DPY30: variants seen among roughly 807,000 people sequenced by gnomAD.
The protein encoded by DPY30 is protein dpy-30 homolog.
Under a neutral mutation model 16.2 loss-of-function variants are expected in DPY30, and 6 were observed. The observed-to-expected ratio is 0.37, with a 90% CI of 0.20 to 0.73. The LOEUF (loss-of-function observed/expected upper bound fraction) is 0.73, where lower values mean the gene tolerates loss of function less well. Among genes scored for constraint, DPY30 ranks in the 30% least tolerant of loss-of-function variants. The pLI is 0.51. For synonymous variants in DPY30, 39 were observed against 38.8 expected (o/e 1.00, Z -0.02); for missense variants, 73 against 113.1 (o/e 0.65, Z 1.61).
chr2:32,011,760 ATGTT>A (rs936378053), downstream of DPY30: 2 of 152,380 alleles, frequency 1.3e-5, no homozygotes, highest in South Asian at 2.1e-4. Flanking sequence ...ACACTATAAA[ATGTT>A]TGTAACTGCA....
chr2:32,015,871 A>G (rs565266736), intron 5 of DPY30, among the ~76,000 whole-genome samples: 1,966 of 150,350 alleles, frequency 0.013, 25 homozygotes, highest in Non-Finnish European at 0.02. Flanking sequence ...AAAAAAAAAT[A>G]CAAAGCTTTG....
intron 4 of DPY30, among the ~76,000 whole-genome samples, chr2:32,027,427 G>A (rs1455441730): frequency 3.3e-5 from 5 of 151,326 alleles, no homozygotes; most frequent in African/African-American, 9.7e-5. Context: ...CTACTCAGGA[G>A]GCTGAGGCAA....
chr2:32,014,059 A>G (rs893369397), intron 5 of DPY30, among the ~76,000 whole-genome samples: 4 of 152,104 alleles, frequency 2.6e-5, no homozygotes, highest in Admixed American at 6.6e-5. Flanking sequence ...GGGAGGGAGG[A>G]AGGGAAGGGA....
chr2:32,015,156 T>C (rs1675040170), intron 5 of DPY30, among the ~76,000 whole-genome samples: 1 of 152,176 alleles, frequency 6.6e-6, no homozygotes, highest in Admixed American at 6.5e-5. Context: ...AAACTGACCA[T>C]TTTTAGATTC....
At chr2:32,019,239 C>T (rs950924472), downstream of DPY30, among the ~76,000 whole-genome samples, 6 of 152,060 alleles carry the variant, frequency 3.9e-5, no homozygotes, top group Non-Finnish European at 7.4e-5. Flanking sequence ...ACTACAGGCA[C>T]GCCCCACCGC....
At chr2:32,014,511 T>C (rs1349863719) in intron 5 of DPY30, among the ~76,000 whole-genome samples, 1 of 145,992 alleles carries the variant, frequency 6.8e-6, no homozygotes, top group Non-Finnish European at 1.5e-5. Context: ...TGAGACGGAG[T>C]CTCGCTCTGT....
chr2:32,021,755 G>A (rs1675186843), downstream of DPY30, among the ~76,000 whole-genome samples: 3 of 151,244 alleles, frequency 2.0e-5, no homozygotes, highest in South Asian at 2.1e-4. Context: ...TTAGAGGCCC[G>A]TTAACACATA....
At chr2:32,018,167 T>C (rs1252801920) in intron 5 of DPY30, among the ~76,000 whole-genome samples, 3 of 152,224 alleles carry the variant, frequency 2.0e-5, no homozygotes, top group African/African-American at 7.2e-5. Flanking sequence ...TTGAATGTTT[T>C]AGAAAGACTC....
At chr2:32,036,878 A>C (rs931250342) in intron 3 of DPY30, among the ~76,000 whole-genome samples, 33 of 152,038 alleles carry the variant, frequency 2.2e-4, no homozygotes, top group African/African-American at 7.7e-4. Context: ...CAAAAAAAAG[A>C]AAAAAAACTA....
intron 4 of DPY30, among the ~76,000 whole-genome samples, chr2:32,025,796 G>A (rs1337049898): frequency 7.4e-5 from 11 of 148,082 alleles, no homozygotes; most frequent in East Asian, 2.0e-4. Context: ...TACTTGGGCC[G>A]GGGGGAAAAA....
At chr2:32,022,643 G>A (rs1021541971), downstream of DPY30, among the ~76,000 whole-genome samples, 15 of 151,704 alleles carry the variant, frequency 9.9e-5, no homozygotes, top group African/African-American at 2.7e-4. Flanking sequence ...TGAGCCTCCC[G>A]AGTGGCTGGG....
chr2:32,024,170 T>C lies in DPY30; in HGVS notation c.*14A>G. On this transcript the variant is annotated 3_prime_UTR_variant, in exon 5 of 5. Transcript: ENST00000342166. Reference sequence around the variant, plus strand: ...CTACAGTAGCAACTAAATTTTTCTGTTCTTCCCATTAAGTCAGTTTCGATC... The same window carrying C: ...CTACAGTAGCAACTAAATTTTTCTGCTCTTCCCATTAAGTCAGTTTCGATC... The C allele has an allele frequency of 5.6e-6, 9 of 1,609,030 alleles. No individual in the cohort carries two copies. In the East Asian group the frequency reaches 2.0e-4, roughly 36 times the overall value.
intron 4 of DPY30, among the ~76,000 whole-genome samples, chr2:32,025,340 G>A (rs894057774): frequency 2.0e-5 from 3 of 152,086 alleles, no homozygotes; most frequent in Admixed American, 1.3e-4. Flanking sequence ...GTGCGCACCT[G>A]TAATCCCAGC....
At chr2:32,032,898 AG>A (rs1675593264) in intron 3 of DPY30, among the ~76,000 whole-genome samples, 3 of 152,112 alleles carry the variant, frequency 2.0e-5, no homozygotes, top group African/African-American at 7.2e-5. Context: ...CAGGAGGCTA[AG>A]GCAGGAGAAT....
intron 5 of DPY30, among the ~76,000 whole-genome samples, chr2:32,014,016 AAGAGAGAAAG>A (rs532849699): frequency 4.1e-4 from 63 of 151,944 alleles, no homozygotes; most frequent in Non-Finnish European, 7.4e-4. Flanking sequence ...GAAAGAAAGA[AAGAGAGAAAG>A]AGAGAGACAG....
At chr2:32,026,235 C>T (rs1282286416) in intron 4 of DPY30, among the ~76,000 whole-genome samples, 1 of 151,360 alleles carries the variant, frequency 6.6e-6, no homozygotes, top group East Asian at 2.0e-4. Flanking sequence ...ATAGTAAGAC[C>T]CCAACTCTTC....
chr2:32,028,035 T>C (rs1233018081), intron 4 of DPY30, among the ~76,000 whole-genome samples: 1 of 152,148 alleles, frequency 6.6e-6, no homozygotes. Context: ...TTACTGCTCA[T>C]TCATATAGTT....
At chr2:32,013,649 T>C (rs1297115206) in intron 5 of DPY30, among the ~76,000 whole-genome samples, 1 of 152,350 alleles carries the variant, frequency 6.6e-6, no homozygotes, top group South Asian at 2.1e-4. Context: ...ATAAGCATTA[T>C]TCATAGTAGG....
chr2:32,038,077 C>G (rs2148672565), intron 3 of DPY30, among the ~76,000 whole-genome samples: 2 of 151,362 alleles, frequency 1.3e-5, no homozygotes, highest in Middle Eastern at 6.9e-3. Flanking sequence ...GCTGTATTTT[C>G]AACCTAGGCA....
Sources: gnomAD v4.1 joint callset for allele counts (sites outside exome capture counted in the v4.1 genomes callset) on GRCh38, gnomAD v4.1.1 for gene constraint, MANE v1.5 for transcripts, NCBI Gene and HGNC (gene_info 2026-07-23, HGNC 2026-07-21) for gene names.